The following OSBP2 variants were observed in gnomAD, a reference collection of about 807,000 sequenced individuals.
OSBP2 encodes the protein oxysterol-binding protein 2.
Under a neutral mutation model 96.0 loss-of-function variants are expected in OSBP2, and 66 were observed. The ratio of observed to expected loss-of-function variants is 0.69; its 90% confidence interval spans 0.56 to 0.84. The LOEUF is 0.84. OSBP2 is among the 40% of genes least tolerant of loss of function. The pLI, the probability that OSBP2 is intolerant of heterozygous loss-of-function variation, is 0.00. For synonymous variants in OSBP2, 525 were observed against 520.9 expected, an observed-to-expected ratio of 1.01 and a Z score of -0.11; for missense variants, 1,038 against 1,222.7, an observed-to-expected ratio of 0.85 and a Z score of 2.25.
chr22:30,814,828 A>G (rs1423566489), intron 2 of OSBP2, among the ~76,000 whole-genome samples: 4 of 152,354 alleles, frequency 2.6e-5, no homozygotes, highest in Non-Finnish European at 4.4e-5. Context: ...AACCCATTAC[A>G]GGGAGATAGC....
intron 12 of OSBP2, chr22:30,902,126 G>GAAAAAAAAAAAAAAAAA (rs35391426): frequency 1.3e-4 from 17 of 126,062 alleles, no homozygotes; most frequent in Admixed American, 2.0e-4. Flanking sequence ...AAAAAAAAAC[G>GAAAAAAAAAAAAAAAAA]AAAAAAAAAA....
chr22:30,857,051 T>C (rs1253057962), intron 2 of OSBP2, among the ~76,000 whole-genome samples: 3 of 152,194 alleles, frequency 2.0e-5, no homozygotes, highest in African/African-American at 7.2e-5. Context: ...GCCTCATTAT[T>C]TTGAGATTGA....
chr22:30,723,588 A>G (rs1395240940), intron 1 of OSBP2, among the ~76,000 whole-genome samples: 4 of 151,238 alleles, frequency 2.6e-5, no homozygotes, highest in African/African-American at 9.8e-5. Context: ...TAATTTTTGT[A>G]TTTTTAGTAG....
At chr22:30,905,598 C>T (rs2040313453) in intron 12 of OSBP2, among the ~76,000 whole-genome samples, 1 of 152,196 alleles carries the variant, frequency 6.6e-6, no homozygotes, top group African/African-American at 2.4e-5. Flanking sequence ...GGCAAAACAG[C>T]GGCAGGTTGG....
At chr22:30,872,091 G>A (rs2039470751) in intron 3 of OSBP2, among the ~76,000 whole-genome samples, 1 of 152,214 alleles carries the variant, frequency 6.6e-6, no homozygotes, top group Non-Finnish European at 1.5e-5. Flanking sequence ...GGGGTGGGGG[G>A]CAGTTGGCCC....
chr22:30,863,978 T>G (rs1444195714), intron 2 of OSBP2, among the ~76,000 whole-genome samples: 3 of 150,138 alleles, frequency 2.0e-5, no homozygotes, highest in African/African-American at 7.3e-5. Flanking sequence ...TTTTTGTTGT[T>G]TTTTTTTTTT....
At position 30,727,313 on chromosome 22, in the gene OSBP2, G is replaced by T. The variant is rs1251754773; in HGVS notation, c.645-13848G>T. 3.9e-5 allele frequency among the ~76,000 whole-genome samples: 6 copies of T among 152,140 alleles called. No homozygotes were observed. In the East Asian group the frequency reaches 1.2e-3, roughly 29 times the overall value. Reference sequence around the variant, plus strand: ...CTCCTGTCTGTGTCTCTCAAACATTGCCCTTCCTGCCCTCTGACATGCCTT... The same window carrying T: ...CTCCTGTCTGTGTCTCTCAAACATTTCCCTTCCTGCCCTCTGACATGCCTT... On this transcript the variant is annotated intron_variant, in intron 1 of 13. Coordinates refer to ENST00000332585, the MANE Select transcript of OSBP2 (RefSeq NM_030758.4).
rs144896786 is a variant in OSBP2, at chr22:30,724,241, G to A, written c.645-16920G>A. Among the ~76,000 whole-genome samples the A allele has an allele frequency of 2.4e-3, 371 of 151,962 alleles. 2 individuals carry two copies. The highest frequency in any genetic ancestry group is 8.6e-3 in the African/African-American group (355 of 41,452). ...TTTGTTTGTTTGTTTGTTTTGAGAC[G>A]GAGCCTCACTCTGTCGCTCAGGCTG... is the stretch of plus-strand genomic sequence containing the variant. On this transcript the variant is annotated intron_variant, in intron 1 of 13. Transcript: ENST00000332585.
chr22:30,743,217 A>C (rs1459212262), intron 2 of OSBP2, among the ~76,000 whole-genome samples: 1 of 152,220 alleles, frequency 6.6e-6, no homozygotes, highest in Non-Finnish European at 1.5e-5. Context: ...AGCATTTGGC[A>C]GGATGAGAGC....
At chr22:30,784,516 C>T (rs1245035453) in intron 2 of OSBP2, among the ~76,000 whole-genome samples, 1 of 152,070 alleles carries the variant, frequency 6.6e-6, no homozygotes, top group African/African-American at 2.4e-5. Flanking sequence ...ACCTTGGCCT[C>T]TCAAAGTGCT....
intron 2 of OSBP2, among the ~76,000 whole-genome samples, chr22:30,863,394 A>C (rs1171600095): frequency 6.6e-6 from 1 of 152,188 alleles, no homozygotes; most frequent in Non-Finnish European, 1.5e-5. Context: ...GCGCCCCCGC[A>C]GTCCTCACTG....
intron 2 of OSBP2, among the ~76,000 whole-genome samples, chr22:30,789,754 G>T (rs951528022): frequency 2.0e-5 from 3 of 152,144 alleles, no homozygotes; most frequent in African/African-American, 7.2e-5. Flanking sequence ...GTGACCAGAA[G>T]GTGGACAGAC....
intron 2 of OSBP2, among the ~76,000 whole-genome samples, chr22:30,832,487 T>C (rs5749173): frequency 0.1 from 15,755 of 151,970 alleles, 949 homozygotes; most frequent in East Asian, 0.23. Flanking sequence ...GATGGGGTTT[T>C]GCTATGTTGC....
intron 2 of OSBP2, among the ~76,000 whole-genome samples, chr22:30,845,262 T>C (rs956687718): frequency 1.3e-5 from 2 of 152,084 alleles, no homozygotes; most frequent in Non-Finnish European, 2.9e-5. Flanking sequence ...GAAACCCGTC[T>C]CTACCATATA....
At chr22:30,762,400 T>G (rs1213745910) in intron 2 of OSBP2, among the ~76,000 whole-genome samples, 1 of 151,056 alleles carries the variant, frequency 6.6e-6, no homozygotes, top group African/African-American at 2.4e-5. Flanking sequence ...TACAAAAAAT[T>G]AGCCGGGCGT....
chr22:30,708,738 T>G (rs1000239557), intron 1 of OSBP2, among the ~76,000 whole-genome samples: 1 of 150,760 alleles, frequency 6.6e-6, no homozygotes. Context: ...TCCGCCCACT[T>G]CAGCCTCCCA....
At chr22:30,717,086 G>GTT (rs144392805) in intron 1 of OSBP2, among the ~76,000 whole-genome samples, 1,341 of 96,478 alleles carry the variant, frequency 0.014, 44 homozygotes, top group African/African-American at 0.028. Flanking sequence ...TAATTTTACT[G>GTT]TTTTTGTGTG....
intron 12 of OSBP2, among the ~76,000 whole-genome samples, chr22:30,898,800 G>A (rs1180439803): frequency 6.6e-6 from 1 of 151,754 alleles, no homozygotes; most frequent in Non-Finnish European, 1.5e-5. Context: ...GAGGCGGGAG[G>A]ATTGCTTGAG....
At chr22:30,805,074 G>C (rs2090909546) in intron 2 of OSBP2, among the ~76,000 whole-genome samples, 1 of 152,140 alleles carries the variant, frequency 6.6e-6, no homozygotes, top group African/African-American at 2.4e-5. Context: ...AATTAAAGTA[G>C]GATCAAGTTC....
Sources: gnomAD v4.1 joint callset for allele counts (sites outside exome capture counted in the v4.1 genomes callset) on GRCh38, gnomAD v4.1.1 for gene constraint, MANE v1.5 for transcripts, NCBI Gene and HGNC (gene_info 2026-07-23, HGNC 2026-07-21) for gene names.